Variants in SPAG16 observed in about 807,000 individuals in gnomAD.
The protein encoded by SPAG16 is sperm associated antigen 16, also known as sperm-associated antigen 16 protein.
SPAG16 carries 86 observed loss-of-function variants against 80.4 expected under a neutral mutation model. The observed-to-expected ratio is 1.07, with a 90% CI of 0.90 to 1.28. The LOEUF (loss-of-function observed/expected upper bound fraction) is 1.28, where lower values mean the gene tolerates loss of function less well. Among genes scored for constraint, SPAG16 ranks in the 50% most tolerant of loss-of-function variants. The pLI is 0.00. For missense variants in SPAG16, 870 were observed against 765.3 expected (o/e 1.14, Z -1.61); for synonymous variants, 294 against 265.9 (o/e 1.11, Z -1.03).
At chr2:213,345,557 A>G (rs1269372029) in intron 6 of SPAG16, among the ~76,000 whole-genome samples, 1 of 125,070 alleles carries the variant, frequency 8.0e-6, no homozygotes, top group Non-Finnish European at 1.6e-5. Context: ...TAATTTTTGT[A>G]TAAGGTGTGA....
chr2:213,618,747 A>T (rs532665115), intron 10 of SPAG16, among the ~76,000 whole-genome samples: 1 of 151,950 alleles, frequency 6.6e-6, no homozygotes, highest in Non-Finnish European at 1.5e-5. Context: ...TTTAAAAAAA[A>T]TTTAAAAAAA....
intron 10 of SPAG16, among the ~76,000 whole-genome samples, chr2:213,785,156 C>A (rs1231538179): frequency 6.6e-6 from 1 of 152,124 alleles, no homozygotes; most frequent in Admixed American, 6.6e-5. Context: ...AGGTAACCAT[C>A]GTTAGCATTT....
chr2:213,673,995 T>C (rs902648330), intron 10 of SPAG16, among the ~76,000 whole-genome samples: 7 of 152,148 alleles, frequency 4.6e-5, no homozygotes, highest in Non-Finnish European at 4.4e-5. Context: ...GTTATATTTT[T>C]AAATTATTTC....
In SPAG16 at chr2:213,321,391, T is replaced by C. The variant is rs1421068308; in HGVS notation, c.536+4035T>C. Among the ~76,000 whole-genome samples, 6 of 152,068 alleles carry C rather than the reference T, an allele frequency of 3.9e-5. No homozygotes were observed. The East Asian group carries it at 9.6e-4, about 24-fold the overall frequency. ...CCAGTTTTCTTATTAACCTGGGAATTATTTTGCATAGTGTTATTAATTTCT... is the reference window on the plus strand; with the variant it reads ...CCAGTTTTCTTATTAACCTGGGAATCATTTTGCATAGTGTTATTAATTTCT... On this transcript the variant is annotated intron_variant, in intron 5 of 15. Coordinates refer to ENST00000331683, the MANE Select transcript of SPAG16 (RefSeq NM_024532.5).
chr2:213,994,097 A>G (rs762143065), intron 12 of SPAG16, among the ~76,000 whole-genome samples: 1 of 152,232 alleles, frequency 6.6e-6, no homozygotes, highest in Non-Finnish European at 1.5e-5. Flanking sequence ...TGTTATAAAT[A>G]CAAAGGAAGT....
intron 10 of SPAG16, among the ~76,000 whole-genome samples, chr2:213,855,354 T>C (rs2075102747): frequency 1.3e-5 from 2 of 152,236 alleles, no homozygotes; most frequent in Non-Finnish European, 2.9e-5. Flanking sequence ...CTCAAGTTCA[T>C]GTATTCTGGC....
chr2:213,498,432 C>T (rs1252635703), intron 10 of SPAG16, among the ~76,000 whole-genome samples: 4 of 152,006 alleles, frequency 2.6e-5, no homozygotes, highest in African/African-American at 7.2e-5. Flanking sequence ...ATGATATTGT[C>T]ATATTGGTTT....
chr2:214,023,600 A>T (rs1219205147), intron 13 of SPAG16, among the ~76,000 whole-genome samples: 2 of 151,804 alleles, frequency 1.3e-5, no homozygotes, highest in African/African-American at 4.8e-5. Flanking sequence ...ATTGTTTGAA[A>T]ATTAAAACTA....
rs371407593 is a variant in SPAG16 at position 213,677,757 on chromosome 2, A to G, written c.1071-184728A>G. 3.3e-5 allele frequency among the ~76,000 whole-genome samples: 5 copies of G among 152,322 alleles called. No homozygotes were observed. The East Asian group carries it at 9.6e-4, about 29-fold the overall frequency. ...ACCCAGGAATTGAACTCAGCTCTGCACCAAGCGGACCTAATAGACATCTAT... is the reference window on the plus strand; with the variant it reads ...ACCCAGGAATTGAACTCAGCTCTGCGCCAAGCGGACCTAATAGACATCTAT... On this transcript the variant is annotated intron_variant, in intron 10 of 15. Coordinates refer to ENST00000331683, the MANE Select transcript of SPAG16 (RefSeq NM_024532.5).
At chr2:213,849,356 G>A (rs1310052232) in intron 10 of SPAG16, among the ~76,000 whole-genome samples, 3 of 152,000 alleles carry the variant, frequency 2.0e-5, no homozygotes, top group Admixed American at 6.6e-5. Context: ...CCCACCTCCC[G>A]ACACCACCAA....
intron 14 of SPAG16, among the ~76,000 whole-genome samples, chr2:214,131,027 C>T (rs1299213604): frequency 6.6e-6 from 1 of 152,152 alleles, no homozygotes; most frequent in African/African-American, 2.4e-5. Context: ...AGTCTATATT[C>T]AATTCCTTCA....
At chr2:213,800,327 CCTCCCTCTCTCCCTCTCTCCCTCT>C (rs765517524) in intron 10 of SPAG16, among the ~76,000 whole-genome samples, 3 of 128,712 alleles carry the variant, frequency 2.3e-5, no homozygotes, top group Middle Eastern at 3.9e-3. Flanking sequence ...TCCCTCCCTC[CCTCCCTCTCTCCCTCTCTCCCTCT>C]CTCCCTCTCT....
At chr2:213,648,741 CAGAAAAGAATA>C (rs2062917282) in intron 10 of SPAG16, among the ~76,000 whole-genome samples, 1 of 152,072 alleles carries the variant, frequency 6.6e-6, no homozygotes, top group Admixed American at 6.6e-5. Context: ...AAACTATAAG[CAGAAAAGAATA>C]TCATATCCTC....
intron 10 of SPAG16, among the ~76,000 whole-genome samples, chr2:213,561,685 ATATTTTTGTTTGTTT>A (rs1417333524): frequency 6.6e-6 from 1 of 152,146 alleles, no homozygotes; most frequent in East Asian, 1.9e-4. Context: ...GAATCAAGTC[ATATTTTTGTTTGTTT>A]TATTTCAACA....
chr2:213,626,370 AG>A (rs113529535), intron 10 of SPAG16, among the ~76,000 whole-genome samples: 2 of 152,282 alleles, frequency 1.3e-5, no homozygotes, highest in African/African-American at 4.8e-5. Flanking sequence ...CCGGATTTTT[AG>A]GGGAAAAAAA....
At chr2:213,360,574 G>C (rs575945742) in intron 7 of SPAG16, among the ~76,000 whole-genome samples, 3 of 152,314 alleles carry the variant, frequency 2.0e-5, no homozygotes, top group African/African-American at 4.8e-5. Context: ...AATGGAAACT[G>C]TTTGTGTACC....
intron 10 of SPAG16, among the ~76,000 whole-genome samples, chr2:213,816,835 C>T (rs892936376): frequency 6.6e-6 from 1 of 151,930 alleles, no homozygotes; most frequent in African/African-American, 2.4e-5. Context: ...ACTGAACTTA[C>T]AGTGAATGTA....
intron 15 of SPAG16, chr2:214,281,372 T>C: frequency 4.9e-6 from 1 of 203,464 alleles, no homozygotes; most frequent in African/African-American, 2.3e-5. Flanking sequence ...AGTAATCAAT[T>C]TTACCGTCCC....
In SPAG16 at chr2:214,286,786, T is replaced by C. The variant is rs111971324; in HGVS notation, c.1721-123354T>C. On this transcript the variant is annotated intron_variant, in intron 15 of 15. Transcript: ENST00000331683. The stretch of plus-strand genomic sequence containing the variant: ...AAATAAATAAAATAAAAAATAACAG[T>C]GATAACTTGTTCTGATATTCTCTGG... Among the ~76,000 whole-genome samples, 253 of 152,102 alleles carry C rather than the reference T, an allele frequency of 1.7e-3. 2 individuals are homozygous for C. Among genetic ancestry groups the C allele is most frequent in the African/African-American group, 5.5e-3 (227 of 41,508 alleles).
Sources: gnomAD v4.1 joint callset for allele counts (sites outside exome capture counted in the v4.1 genomes callset) on GRCh38, gnomAD v4.1.1 for gene constraint, MANE v1.5 for transcripts, NCBI Gene and HGNC (gene_info 2026-07-23, HGNC 2026-07-21) for gene names.